The following TRPS1 variants were observed in gnomAD, a reference collection of about 807,000 sequenced individuals.
The protein encoded by TRPS1 is zinc finger transcription factor Trps1.
TRPS1 carries 6 observed loss-of-function variants against 101.2 expected under a neutral mutation model. That is an observed-to-expected ratio of 0.06 (90% CI 0.03 to 0.12). The LOEUF (loss-of-function observed/expected upper bound fraction) is 0.12, where lower values mean the gene tolerates loss of function less well. TRPS1 is among the 10% of genes least tolerant of loss of function. The pLI is 1.00. For missense variants in TRPS1, 1,363 were observed against 1,567.0 expected, an observed-to-expected ratio of 0.87 and a Z score of 2.20; for synonymous variants, 578 against 589.8, an observed-to-expected ratio of 0.98 and a Z score of 0.29.
chr8:115,635,676 T>C (rs1276992732), intron 1 of TRPS1, among the ~76,000 whole-genome samples: 1 of 151,974 alleles, frequency 6.6e-6, no homozygotes, highest in Non-Finnish European at 1.5e-5. Flanking sequence ...TAGCAAAAAC[T>C]GGCCAGGTGA....
At chr8:115,643,270 T>A (rs1818944748) in intron 1 of TRPS1, among the ~76,000 whole-genome samples, 1 of 152,170 alleles carries the variant, frequency 6.6e-6, no homozygotes, top group African/African-American at 2.4e-5. Flanking sequence ...CTGACTCTTC[T>A]TTCATGAATG....
intron 5 of TRPS1, among the ~76,000 whole-genome samples, chr8:115,547,750 C>A (rs892448198): frequency 2.6e-5 from 4 of 152,122 alleles, no homozygotes; most frequent in African/African-American, 9.7e-5. Context: ...TTATCTTAGC[C>A]ATCTCTCCAC....
chr8:115,508,906 C>T (rs1815511536), intron 5 of TRPS1, among the ~76,000 whole-genome samples: 1 of 151,936 alleles, frequency 6.6e-6, no homozygotes, highest in Non-Finnish European at 1.5e-5. Flanking sequence ...TCTGCATACC[C>T]TGGAAACATT....
intron 5 of TRPS1, among the ~76,000 whole-genome samples, chr8:115,518,748 A>C (rs1815784457): frequency 6.6e-6 from 1 of 151,880 alleles, no homozygotes; most frequent in South Asian, 2.1e-4. Flanking sequence ...CGATCACTTT[A>C]AAATAGAGGT....
chr8:115,596,809 A>C (rs1448010272), intron 4 of TRPS1, among the ~76,000 whole-genome samples: 1 of 151,844 alleles, frequency 6.6e-6, no homozygotes, highest in Non-Finnish European at 1.5e-5. Context: ...CATGCATATG[A>C]TATTCATATG....
intron 1 of TRPS1, among the ~76,000 whole-genome samples, chr8:115,631,239 T>A (rs894025200): frequency 2.0e-5 from 3 of 152,116 alleles, no homozygotes; most frequent in Non-Finnish European, 4.4e-5. Context: ...CACAGAATTA[T>A]GTGTTTATGT....
intron 5 of TRPS1, among the ~76,000 whole-genome samples, chr8:115,479,581 C>A (rs1814699935): frequency 6.6e-6 from 1 of 152,098 alleles, no homozygotes. Context: ...CTGATAATTT[C>A]TTAAGGCATT....
intron 3 of TRPS1, among the ~76,000 whole-genome samples, chr8:115,608,541 T>G (rs2130503773): frequency 6.6e-6 from 1 of 152,086 alleles, no homozygotes; most frequent in Admixed American, 6.5e-5. Context: ...CTAGCTCAAG[T>G]TCTATGAAAA....
intron 4 of TRPS1, among the ~76,000 whole-genome samples, chr8:115,588,071 TTC>T (rs1242227482): frequency 6.6e-6 from 1 of 152,256 alleles, no homozygotes; most frequent in African/African-American, 2.4e-5. Flanking sequence ...CCTTTTCACT[TTC>T]TGTTATTTAA....
chr8:115,645,013 T>C (rs966601907), intron 1 of TRPS1, among the ~76,000 whole-genome samples: 4 of 152,020 alleles, frequency 2.6e-5, no homozygotes, highest in Non-Finnish European at 5.9e-5. Context: ...AACTCAGATA[T>C]AATATAATAA....
chr8:115,430,444 A>AGTGT (rs141850172), intron 5 of TRPS1, among the ~76,000 whole-genome samples: 28,252 of 149,814 alleles, frequency 0.19, 2,730 homozygotes, highest in Middle Eastern at 0.26. Context: ...GCCACTTTGG[A>AGTGT]GTGTGTGTGT....
intron 5 of TRPS1, among the ~76,000 whole-genome samples, chr8:115,554,446 G>C (rs1348532527): frequency 6.6e-6 from 1 of 152,092 alleles, no homozygotes; most frequent in African/African-American, 2.4e-5. Context: ...CCCTTTCCTA[G>C]AACCAATCTT....
At chr8:115,603,628 G>A (rs1817957772) in intron 4 of TRPS1, among the ~76,000 whole-genome samples, 1 of 152,048 alleles carries the variant, frequency 6.6e-6, no homozygotes, top group South Asian at 2.1e-4. Context: ...ATCAGTAAAT[G>A]GTATAACACA....
At chr8:115,606,040 T>C (rs1414372395) in intron 3 of TRPS1, among the ~76,000 whole-genome samples, 3 of 152,198 alleles carry the variant, frequency 2.0e-5, no homozygotes, top group African/African-American at 7.2e-5. Flanking sequence ...TTTTAAATTT[T>C]CCCAGCAACC....
intron 4 of TRPS1, among the ~76,000 whole-genome samples, chr8:115,590,232 T>C (rs12679749): frequency 0.7 from 106,102 of 152,082 alleles, 38,413 homozygotes; most frequent in African/African-American, 0.89. Context: ...CACAATATAT[T>C]GAGTCATGGA....
At chr8:115,524,214 G>T (rs943713066) in intron 5 of TRPS1, among the ~76,000 whole-genome samples, 10 of 151,344 alleles carry the variant, frequency 6.6e-5, no homozygotes, top group Non-Finnish European at 1.3e-4. Flanking sequence ...TTTATTGTCT[G>T]CTCTTCAGCA....
chr8:115,667,936 TGGCGGCGGC>T (rs965777285), intron 1 of TRPS1: 5 of 1,533,216 alleles, frequency 3.3e-6, no homozygotes, highest in African/African-American at 2.7e-5. Flanking sequence ...AAACTTGCAG[TGGCGGCGGC>T]GGCGGCGGCC....
chr8:115,430,346 A>T (rs149455813), intron 5 of TRPS1, among the ~76,000 whole-genome samples: 99 of 152,176 alleles, frequency 6.5e-4, no homozygotes, highest in African/African-American at 2.3e-3. Context: ...TTTTCCTTTA[A>T]TCTTTATATT....
chr8:115,634,536 T>C (rs77193180), intron 1 of TRPS1, among the ~76,000 whole-genome samples: 2,920 of 152,306 alleles, frequency 0.019, 35 homozygotes, highest in Middle Eastern at 0.027. Context: ...TTTACCTGAT[T>C]ATTTCAAAAG....
Sources: gnomAD v4.1 joint callset for allele counts (sites outside exome capture counted in the v4.1 genomes callset) on GRCh38, gnomAD v4.1.1 for gene constraint, MANE v1.5 for transcripts, NCBI Gene and HGNC (gene_info 2026-07-23, HGNC 2026-07-21) for gene names.